GRM8: variants seen among roughly 807,000 people sequenced by gnomAD.
GRM8 encodes glutamate metabotropic receptor 8.
Under a neutral mutation model 87.2 loss-of-function variants are expected in GRM8, and 47 were observed. The ratio of observed to expected loss-of-function variants is 0.54; its 90% CI spans 0.43 to 0.69. The LOEUF is 0.69. Among genes scored for constraint, GRM8 ranks in the 30% least tolerant of loss-of-function variants. The pLI, the probability that GRM8 is intolerant of heterozygous loss-of-function variation, is 0.00. For synonymous variants in GRM8, 396 were observed against 404.5 expected, an observed-to-expected ratio of 0.98 and a Z score of 0.25; for missense variants, 1,019 against 1,139.2, an observed-to-expected ratio of 0.89 and a Z score of 1.52.
At chr7:127,002,629 T>C (rs912369774) in intron 3 of GRM8, among the ~76,000 whole-genome samples, 35 of 151,728 alleles carry the variant, frequency 2.3e-4, no homozygotes, top group African/African-American at 8.4e-4. Context: ...TAAGATTTTG[T>C]GCATTTTTGT....
chr7:127,116,941 T>C (rs1826733179), intron 2 of GRM8, among the ~76,000 whole-genome samples: 1 of 152,198 alleles, frequency 6.6e-6, no homozygotes, highest in Non-Finnish European at 1.5e-5. Flanking sequence ...CAGCAGGGAC[T>C]TGCATTACAT....
intron 6 of GRM8, among the ~76,000 whole-genome samples, chr7:126,856,824 T>TGGAAGTGA: frequency 6.6e-6 from 1 of 152,200 alleles, no homozygotes; most frequent in Non-Finnish European, 1.5e-5. Flanking sequence ...CAAAGTGACA[T>TGGAAGTGA]ATTATCCACT....
intron 8 of GRM8, among the ~76,000 whole-genome samples, chr7:126,600,261 C>T (rs1393895307): frequency 6.6e-6 from 1 of 152,094 alleles, no homozygotes; most frequent in Non-Finnish European, 1.5e-5. Flanking sequence ...CCTTGGACAA[C>T]ATGGGTTTGG....
rs138264481 is a variant in GRM8 at position 126,937,020 on chromosome 7, G to C, written c.728-32337C>G. ...ACCAGGGTCACAGGCTGTAAGGACA[G>C]AGATACAGATATTGACAGCTGGAAA... On this transcript the variant is annotated intron_variant, in intron 3 of 10. Coordinates refer to ENST00000339582, the MANE Select transcript of GRM8 (RefSeq NM_000845.3). 6.2e-3 allele frequency among the ~76,000 whole-genome samples: 945 copies of C among 152,324 alleles called. 9 individuals are homozygous for C. Among genetic ancestry groups the C allele is most frequent in the African/African-American group, 0.022 (910 of 41,572 alleles).
chr7:127,075,208 T>C (rs538710888), intron 3 of GRM8, among the ~76,000 whole-genome samples: 3 of 152,274 alleles, frequency 2.0e-5, no homozygotes, highest in South Asian at 2.1e-4. Context: ...CAGGATCTTA[T>C]AGGTTCACCA....
At chr7:126,878,623 G>A (rs1042473782) in intron 6 of GRM8, among the ~76,000 whole-genome samples, 87 of 150,602 alleles carry the variant, frequency 5.8e-4, no homozygotes, top group Middle Eastern at 7.0e-3. Flanking sequence ...GGGTTCAAGC[G>A]ATTCTCCAGC....
intron 9 of GRM8, among the ~76,000 whole-genome samples, chr7:126,485,198 T>C (rs967457011): frequency 6.6e-6 from 1 of 152,012 alleles, no homozygotes; most frequent in African/African-American, 2.4e-5. Context: ...TGAAGAAGCT[T>C]ACTAGCCACT....
chr7:126,853,882 A>G (rs1797448169), intron 6 of GRM8, among the ~76,000 whole-genome samples: 1 of 152,086 alleles, frequency 6.6e-6, no homozygotes, highest in Non-Finnish European at 1.5e-5. Context: ...GCTTTTCACT[A>G]TGCAGTAAAA....
In GRM8 at chr7:126,725,907, C is replaced by T. The variant is rs573900954; in HGVS notation, c.1357+43958G>A. On this transcript the variant is annotated intron_variant, in intron 7 of 10. Transcript: ENST00000339582. ...CTGTGAACTCAAGAGCGAGAGCTCA[C>T]GTGTTATCAAGGGGATGGCCTAAGC... Among the ~76,000 whole-genome samples the T allele has an allele frequency of 1.3e-4, 20 of 152,222 alleles. No individual in the cohort carries two copies. In the South Asian group the frequency reaches 2.7e-3, roughly 21 times the overall value.
At chr7:127,222,586 T>C (rs1797007849) in intron 2 of GRM8, among the ~76,000 whole-genome samples, 4 of 152,192 alleles carry the variant, frequency 2.6e-5, no homozygotes, top group Admixed American at 2.6e-4. Context: ...TAAAACAGCA[T>C]CCTAGAAAAT....
chr7:127,140,020 T>C (rs1438194164), intron 2 of GRM8, among the ~76,000 whole-genome samples: 1 of 152,130 alleles, frequency 6.6e-6, no homozygotes, highest in African/African-American at 2.4e-5. Flanking sequence ...CAGGGCAGCA[T>C]ATGCCTAGGC....
intron 2 of GRM8, among the ~76,000 whole-genome samples, chr7:127,196,534 C>CAA (rs568593813): frequency 2.7e-4 from 39 of 144,706 alleles, no homozygotes; most frequent in African/African-American, 2.8e-4. Flanking sequence ...AACAAACAAA[C>CAA]AAAAAAAAAA....
intron 8 of GRM8, among the ~76,000 whole-genome samples, chr7:126,601,274 T>C (rs1797730638): frequency 6.6e-6 from 1 of 152,182 alleles, no homozygotes; most frequent in South Asian, 2.1e-4. Flanking sequence ...TCATTTTTTA[T>C]GGCTGCATAG....
At chr7:127,140,458 G>A (rs1189783505) in intron 2 of GRM8, among the ~76,000 whole-genome samples, 2 of 152,102 alleles carry the variant, frequency 1.3e-5, no homozygotes, top group Non-Finnish European at 2.9e-5. Context: ...ACACTACAAT[G>A]TAACTATTTA....
At chr7:127,165,778 T>C (rs1240289569) in intron 2 of GRM8, among the ~76,000 whole-genome samples, 10 of 152,190 alleles carry the variant, frequency 6.6e-5, no homozygotes, top group Non-Finnish European at 1.2e-4. Flanking sequence ...TGTCACTGAA[T>C]TATTCCACCT....
chr7:126,657,681 T>C (rs1157798858), intron 7 of GRM8, among the ~76,000 whole-genome samples: 1 of 152,222 alleles, frequency 6.6e-6, no homozygotes, highest in East Asian at 1.9e-4. Context: ...AGGTCAAAAG[T>C]ATAAATTCAG....
chr7:127,234,157 G>C (rs1034087400), intron 2 of GRM8, among the ~76,000 whole-genome samples: 5 of 152,204 alleles, frequency 3.3e-5, no homozygotes, highest in African/African-American at 1.2e-4. Flanking sequence ...GGAGGTAGCT[G>C]TCATGGTTTC....
At chr7:126,786,315 A>T (rs536631496) in intron 6 of GRM8, among the ~76,000 whole-genome samples, 131 of 152,332 alleles carry the variant, frequency 8.6e-4, no homozygotes, top group African/African-American at 3.1e-3. Flanking sequence ...TCACCAAATT[A>T]ACGAACTTTT....
intron 8 of GRM8, among the ~76,000 whole-genome samples, chr7:126,575,168 C>G (rs192542827): frequency 5.3e-5 from 8 of 151,994 alleles, no homozygotes; most frequent in African/African-American, 1.9e-4. Context: ...AGCATTACTG[C>G]CTGAGTTCTG....
Sources: allele counts gnomAD v4.1 joint callset (sites outside exome capture counted in the v4.1 genomes callset), GRCh38; gene constraint gnomAD v4.1.1; transcripts MANE v1.5; gene names NCBI Gene and HGNC (gene_info 2026-07-23, HGNC 2026-07-21).